The following SLC25A18 variants were observed in gnomAD, a reference collection of about 807,000 sequenced individuals.
SLC25A18 encodes mitochondrial glutamate carrier 2.
In SLC25A18, 24 loss-of-function variants were observed where a neutral mutation model predicts 31.1. The observed-to-expected ratio is 0.77, with a 90% CI of 0.56 to 1.08. The LOEUF is 1.08. SLC25A18 is among the 50% of genes least tolerant of loss of function. The pLI is 0.00. For missense variants in SLC25A18, 371 were observed against 418.5 expected, an observed-to-expected ratio of 0.89 and a Z score of 0.99; for synonymous variants, 173 against 161.9, an observed-to-expected ratio of 1.07 and a Z score of -0.52.
chr22:17,589,724 G>A, intron 10 of SLC25A18, 59 bp downstream of exon 10: 1 of 1,521,356 alleles, frequency 6.6e-7, no homozygotes, highest in Non-Finnish European at 9.1e-7. Flanking sequence ...GTGGGTGTCT[G>A]CCTAGACCAG....
rs695611 is a variant in SLC25A18, at chr22:17,577,579, AT to A, written c.-200-2147del. Among the ~76,000 whole-genome samples the A allele has an allele frequency of 3.5e-3, 412 of 118,898 alleles. 1 individual carries two copies. The highest frequency in any genetic ancestry group is 0.014 in the South Asian group (52 of 3,642). The allele number at this position is 118,898 out of a possible 152,430, so 78.0% of individuals were successfully genotyped here. On this transcript the variant is annotated intron_variant, in intron 2 of 10. Coordinates refer to ENST00000327451, the MANE Select transcript of SLC25A18 (RefSeq NM_031481.3). The stretch of plus-strand genomic sequence containing the variant: ...AGACAGAAACAGTTGTGTCCTGTCT[AT>A]TTTTTTTTTTTTTTTTTTGAGATGG...
At chr22:17,581,628 A>T in intron 5 of SLC25A18, 1 of 569,534 alleles carries the variant, frequency 1.8e-6, no homozygotes, top group Non-Finnish European at 3.1e-6. Context: ...CCACCGCCTC[A>T]GTAAGAGCAG....
intron 2 of SLC25A18, among the ~76,000 whole-genome samples, chr22:17,572,022 A>G (rs942341413): frequency 1.6e-4 from 25 of 151,664 alleles, no homozygotes; most frequent in Middle Eastern, 6.8e-3. Context: ...CGTCTCAGAA[A>G]AAAAAAACAA....
chr22:17,566,717 T>C (rs894972193), intron 1 of SLC25A18, among the ~76,000 whole-genome samples: 4 of 152,210 alleles, frequency 2.6e-5, no homozygotes. Flanking sequence ...TGGCCCAGCC[T>C]GTCATTTTCT....
intron 1 of SLC25A18, among the ~76,000 whole-genome samples, chr22:17,568,757 T>A (rs1408895113): frequency 1.3e-5 from 2 of 151,106 alleles, no homozygotes; most frequent in East Asian, 4.0e-4. Flanking sequence ...GAAACAGGGT[T>A]TCACCGTGTT....
intron 7 of SLC25A18, among the ~76,000 whole-genome samples, chr22:17,584,422 A>AGAAAGAAAGAAAG (rs201926051): frequency 1.1e-4 from 15 of 134,188 alleles, no homozygotes; most frequent in South Asian, 6.7e-4. Flanking sequence ...AAAGAAAGAA[A>AGAAAGAAAGAAAG]GAAGGAAGGA....
At chr22:17,575,216 CTT>C (rs2057202854) in intron 2 of SLC25A18, among the ~76,000 whole-genome samples, 1 of 152,178 alleles carries the variant, frequency 6.6e-6, no homozygotes, top group Admixed American at 6.6e-5. Context: ...ACCTCTGAGC[CTT>C]TCAGCACGCA....
chr22:17,576,313 C>A (rs549605001), intron 2 of SLC25A18, among the ~76,000 whole-genome samples: 1 of 151,664 alleles, frequency 6.6e-6, no homozygotes, highest in African/African-American at 2.4e-5. Flanking sequence ...AAGATCGCAC[C>A]ACTGCACTCC....
rs1265134141 is a variant in SLC25A18, at chr22:17,589,597, A to C, written c.738A>C (p.Lys246Asn). Residue 246 changes from lysine (K) to asparagine (N), a missense_variant, in exon 10 of 11, where the codon AAA (lysine) becomes AAC (asparagine). Lys to Asn is a moderately conservative substitution (Grantham distance 94). Coordinates refer to ENST00000327451, the MANE Select transcript of SLC25A18 (RefSeq NM_031481.3). The part of the protein sequence containing the change: ...AVAVTPLDVL[K>N]TRIQTLKKGL... ...AACTTTTACTTGATTTAGTTCTGAA[A>C]ACTCGAATCCAAACCCTCAAGAAAG... The C allele has an allele frequency of 6.2e-6, 10 of 1,613,912 alleles. No individual in the cohort carries two copies. Among genetic ancestry groups the C allele is most frequent in the Non-Finnish European group, 8.5e-6 (10 of 1,179,978 alleles).
rs764153880 is a variant in SLC25A18 at position 17,581,161 on chromosome 22, T to C, written c.143+2T>C. 1.3e-6 allele frequency: 2 copies of C among 1,591,884 alleles called. No homozygotes were observed. Among genetic ancestry groups the C allele is most frequent in the Admixed American group, 1.8e-5 (1 of 56,840 alleles). ...TGGGAAAGCCATGTACAAAGGAATG[T>C]AGGTGCTGGCAGGCGAGCGTGGAGG... is the stretch of plus-strand genomic sequence containing the variant. On this transcript the variant is annotated splice_donor_variant, in intron 4 of 10. Coordinates refer to ENST00000327451, the MANE Select transcript of SLC25A18 (RefSeq NM_031481.3). LOFTEE classifies it high-confidence loss of function.
chr22:17,585,650 A>ATTATTTTTT (rs1555951983), intron 7 of SLC25A18, among the ~76,000 whole-genome samples: 83 of 137,210 alleles, frequency 6.0e-4, no homozygotes, highest in African/African-American at 2.1e-3. Context: ...TATTATTATT[A>ATTATTTTTT]TTTTTTTTTT....
At position 17,590,115 on chromosome 22, in the gene SLC25A18, G is replaced by C. The variant is rs754033230; in HGVS notation, c.827G>C (p.Gly276Ala). Reference protein sequence around the residue: ...DCARKLWIQEGPSAFMKGAGC... With the variant: ...DCARKLWIQEAPSAFMKGAGC... The stretch of plus-strand genomic sequence containing the variant: ...CCCAGGAAACTCTGGATTCAGGAGG[G>C]ACCATCTGCCTTCATGAAAGGCGCT... Residue 276 changes from glycine to alanine, a missense_variant, in exon 11 of 11, where the codon GGA becomes GCA. Gly to Ala is a moderately conservative substitution (Grantham distance 60). Coordinates refer to ENST00000327451, the MANE Select transcript of SLC25A18 (RefSeq NM_031481.3). The C allele has an allele frequency of 1.9e-6, 3 of 1,614,072 alleles. No individual in the cohort carries two copies. Among genetic ancestry groups the C allele is most frequent in the Non-Finnish European group, 2.5e-6 (3 of 1,180,058 alleles).
intron 1 of SLC25A18, among the ~76,000 whole-genome samples, chr22:17,566,426 T>TC (rs2056938891): frequency 3.3e-5 from 5 of 152,146 alleles, no homozygotes; most frequent in Admixed American, 3.3e-4. Flanking sequence ...CTTTTTTTTT[T>TC]TTCCAACTGG....
chr22:17,583,272 T>G lies in SLC25A18; in HGVS notation c.291-144T>G, dbSNP rs2057430394. 9.3e-6 allele frequency: 9 copies of G among 969,930 alleles called. No homozygotes were observed. In the South Asian group the frequency reaches 1.3e-4, roughly 14 times the overall value. The allele number at this position is 969,930 out of a possible 1,614,324, so 60.1% of individuals were successfully genotyped here. A position where few individuals can be genotyped will look rare whatever the true frequency, so the allele number is the denominator to read the frequency against. On this transcript the variant is annotated intron_variant, in intron 6 of 10. Transcript: ENST00000327451. ...CCCCTGTCCGTACAGAGACCACACC[T>G]AAGGGCTAGCTGATGACTTGACCAG...
In SLC25A18 at chr22:17,587,422, C is replaced by T. The variant is rs547033491; in HGVS notation, c.575+121C>T. The T allele has an allele frequency of 1.1e-4, 133 of 1,259,378 alleles. No individual in the cohort carries two copies. In the African/African-American group the frequency reaches 1.4e-3, roughly 13 times the overall value. 78.0% of individuals were successfully genotyped at this position (1,259,378 alleles called of 1,614,324 possible). A position where few individuals can be genotyped will look rare whatever the true frequency, so the allele number is the denominator to read the frequency against. ...GAATATCCAAACCCAGGTGAGCAAA[C>T]GATTTCCATGCTTCCTGTTTTGTCT... On this transcript the variant is annotated intron_variant, in intron 8 of 10. Coordinates refer to ENST00000327451, the MANE Select transcript of SLC25A18 (RefSeq NM_031481.3).
At position 17,570,082 on chromosome 22, in the gene SLC25A18, G is replaced by C. The variant is rs529780374; in HGVS notation, c.-201+96G>C. 1.9e-4 allele frequency: 159 copies of C among 825,718 alleles called. 1 individual carries two copies. In the African/African-American group the frequency reaches 2.6e-3, roughly 14 times the overall value. 51.1% of individuals were successfully genotyped at this position (825,718 alleles called of 1,614,324 possible). Reference sequence around the variant, plus strand: ...GGGGGAAAGGGGAAGAGCAGCCAGTGGGACAGGGACACTCATCCCATTTGT... The same window carrying C: ...GGGGGAAAGGGGAAGAGCAGCCAGTCGGACAGGGACACTCATCCCATTTGT... On this transcript the variant is annotated intron_variant, in intron 2 of 10. Coordinates refer to ENST00000327451, the MANE Select transcript of SLC25A18 (RefSeq NM_031481.3).
At chr22:17,579,063 TTTTGTTTGTTTGTTTGTTTG>T (rs695243) in intron 2 of SLC25A18, among the ~76,000 whole-genome samples, 5 of 150,024 alleles carry the variant, frequency 3.3e-5, no homozygotes, top group Admixed American at 6.7e-5. Flanking sequence ...TAAGTGGGTT[TTTTGTTTGTTTGTTTGTTTG>T]TTTGTTTGTT....
intron 2 of SLC25A18, among the ~76,000 whole-genome samples, chr22:17,578,626 TGGG>T (rs1262378570): frequency 6.6e-6 from 1 of 152,160 alleles, no homozygotes; most frequent in African/African-American, 2.4e-5. Context: ...ACCACTCCTC[TGGG>T]GTTAAAGCAG....
chr22:17,565,020 CT>C (rs1411410288), intron 1 of SLC25A18, among the ~76,000 whole-genome samples: 1 of 152,016 alleles, frequency 6.6e-6, no homozygotes, highest in Non-Finnish European at 1.5e-5. Context: ...TCGGGATGCT[CT>C]TATTTCTGCC....
Sources: gnomAD v4.1 joint callset for allele counts (sites outside exome capture counted in the v4.1 genomes callset) on GRCh38, gnomAD v4.1.1 for gene constraint, MANE v1.5 for transcripts, NCBI Gene and HGNC (gene_info 2026-07-23, HGNC 2026-07-21) for gene names.